Variants in PRKCE observed in about 807,000 individuals in gnomAD.
The protein encoded by PRKCE is protein kinase C epsilon type.
PRKCE carries 16 observed loss-of-function variants against 85.4 expected under a neutral mutation model. The ratio of observed to expected loss-of-function variants is 0.19; its 90% CI spans 0.13 to 0.28. PRKCE has a LOEUF of 0.28. Ranked by LOEUF, PRKCE falls within the 10% of genes least tolerant of loss-of-function variation. The pLI is 1.00. For missense variants in PRKCE, 573 were observed against 975.2 expected (o/e 0.59, Z 5.49); for synonymous variants, 388 against 371.5 (o/e 1.04, Z -0.51).
chr2:45,749,117 C>T (rs927293265), intron 1 of PRKCE, among the ~76,000 whole-genome samples: 5 of 152,146 alleles, frequency 3.3e-5, no homozygotes, highest in African/African-American at 4.8e-5. Context: ...CTAGAACTCC[C>T]GGCTTCAAGT....
chr2:46,065,584 T>C (rs1037320569), intron 10 of PRKCE, among the ~76,000 whole-genome samples: 1 of 152,216 alleles, frequency 6.6e-6, no homozygotes, highest in African/African-American at 2.4e-5. Context: ...CTACTGTAAC[T>C]AAATTTAGAG....
intron 14 of PRKCE, among the ~76,000 whole-genome samples, chr2:46,172,881 T>C (rs17034708): frequency 0.18 from 27,543 of 152,216 alleles, 2,756 homozygotes; most frequent in African/African-American, 0.25. Context: ...AGACAGTTAT[T>C]GTACCACTTA....
chr2:46,046,055 T>A (rs1574322656), intron 10 of PRKCE, among the ~76,000 whole-genome samples: 2 of 152,278 alleles, frequency 1.3e-5, no homozygotes, highest in East Asian at 1.9e-4. Context: ...CATCCTCAGC[T>A]GTCATGGGAA....
Position 46,151,236 on chromosome 2 carries a change from C to T in PRKCE, c.1920+7C>T. On this transcript the variant is annotated splice_region_variant and intron_variant, in intron 13 of 14. Transcript: ENST00000306156. ...TGTCAGCATCTTGAAAGCTGTGAGT[C>T]ACTGCCCCTCACCCATGGCTGTGCT... The T allele has an allele frequency of 6.3e-7, 1 of 1,593,140 alleles. No homozygotes were observed. Among genetic ancestry groups the T allele is most frequent in the South Asian group, 1.1e-5 (1 of 90,354 alleles).
chr2:45,904,270 TAGAA>T (rs572462966), intron 2 of PRKCE, among the ~76,000 whole-genome samples: 6 of 152,150 alleles, frequency 3.9e-5, no homozygotes, highest in Non-Finnish European at 8.8e-5. Context: ...AACAGTTTCT[TAGAA>T]AGAAGCCGGT....
intron 1 of PRKCE, among the ~76,000 whole-genome samples, chr2:45,699,938 G>C (rs1052681175): frequency 1.3e-5 from 2 of 151,794 alleles, no homozygotes; most frequent in African/African-American, 4.9e-5. Flanking sequence ...GGAGCTGAGG[G>C]GTGCAGGGGG....
intron 1 of PRKCE, chr2:45,675,572 G>C (rs1381073723): frequency 6.6e-6 from 1 of 152,220 alleles, no homozygotes. Context: ...TAAGGTCCAT[G>C]TGGTTTGAGG....
rs1687370722 is a variant in PRKCE, at chr2:45,795,538, G to C, written c.349-47462G>C. Among the ~76,000 whole-genome samples the C allele has an allele frequency of 2.0e-5, 3 of 152,236 alleles. No homozygotes were observed. In the South Asian group the frequency reaches 6.2e-4, roughly 32 times the overall value. On this transcript the variant is annotated intron_variant, in intron 1 of 14. Transcript: ENST00000306156. ...TTGGCCAGGCTGGTCTCGAACTCCTGACCTCAGGTGATCCACCCTCCTCAG... is the reference window on the plus strand; with the variant it reads ...TTGGCCAGGCTGGTCTCGAACTCCTCACCTCAGGTGATCCACCCTCCTCAG...
intron 1 of PRKCE, among the ~76,000 whole-genome samples, chr2:45,761,630 G>C (rs1445868171): frequency 1.3e-5 from 2 of 152,136 alleles, no homozygotes; most frequent in African/African-American, 4.8e-5. Flanking sequence ...TTGGGCCCCA[G>C]TCTAATCTCT....
chr2:46,166,956 A>G (rs1678401963), intron 14 of PRKCE: 1 of 152,186 alleles, frequency 6.6e-6, no homozygotes, highest in African/African-American at 2.4e-5. Context: ...ATGCCACTGC[A>G]CTCCAGCCTG....
At chr2:45,752,864 T>C (rs1310449403) in intron 1 of PRKCE, among the ~76,000 whole-genome samples, 2 of 152,158 alleles carry the variant, frequency 1.3e-5, no homozygotes, top group African/African-American at 4.8e-5. Context: ...GTGGCTTATA[T>C]AAGTTTTTTA....
intron 1 of PRKCE, among the ~76,000 whole-genome samples, chr2:45,813,692 G>A (rs1242399156): frequency 1.3e-5 from 2 of 152,160 alleles, no homozygotes; most frequent in East Asian, 3.9e-4. Context: ...TGGAGGCCAG[G>A]CAGTACAGCA....
At chr2:45,860,345 C>T (rs2105646587) in intron 2 of PRKCE, among the ~76,000 whole-genome samples, 2 of 152,304 alleles carry the variant, frequency 1.3e-5, no homozygotes, top group South Asian at 4.1e-4. Context: ...ATCCATGTAA[C>T]TCTGGCCTTC....
rs758206201 is a variant in PRKCE at position 46,086,373 on chromosome 2, C to G, written c.1592+11C>G. Reference sequence around the variant, plus strand: ...TGGAGTCATCTACAGGTAGCCTCTTCTCTCCTCCTCTTTCCTGAAAGTGAA... The same window carrying G: ...TGGAGTCATCTACAGGTAGCCTCTTGTCTCCTCCTCTTTCCTGAAAGTGAA... On this transcript the variant is annotated intron_variant, in intron 11 of 14. Coordinates refer to ENST00000306156, the MANE Select transcript of PRKCE (RefSeq NM_005400.3). 1 of 1,592,796 alleles carries G rather than the reference C, an allele frequency of 6.3e-7. No individual in the cohort carries two copies. Among genetic ancestry groups the G allele is most frequent in the South Asian group, 1.1e-5 (1 of 90,420 alleles).
chr2:46,061,103 C>A lies in PRKCE; in HGVS notation c.1438-25105C>A, dbSNP rs796855610. On this transcript the variant is annotated intron_variant, in intron 10 of 14. Coordinates refer to ENST00000306156, the MANE Select transcript of PRKCE (RefSeq NM_005400.3). Reference sequence around the variant, plus strand: ...ATGATTTTCTTTTCTTCTTTTTTTTCCTTTTTTTTTTTTTTTTTTTTTTGA... The same window carrying A: ...ATGATTTTCTTTTCTTCTTTTTTTTACTTTTTTTTTTTTTTTTTTTTTTGA... Among the ~76,000 whole-genome samples, 109 of 136,624 alleles carry A rather than the reference C, an allele frequency of 8.0e-4. 1 individual carries two copies. Among genetic ancestry groups the A allele is most frequent in the African/African-American group, 3.1e-3 (108 of 35,074 alleles). 89.6% of individuals were successfully genotyped at this position (136,624 alleles called of 152,430 possible). A position where few individuals can be genotyped will look rare whatever the true frequency, so the allele number is the denominator to read the frequency against.
chr2:45,674,122 G>A (rs375881878), intron 1 of PRKCE, among the ~76,000 whole-genome samples: 12 of 152,286 alleles, frequency 7.9e-5, no homozygotes, highest in Admixed American at 5.9e-4. Context: ...AGATGTAAGC[G>A]TGATCATTGG....
chr2:46,112,279 C>A (rs1001065874), intron 11 of PRKCE, among the ~76,000 whole-genome samples: 11 of 152,068 alleles, frequency 7.2e-5, no homozygotes, highest in African/African-American at 2.7e-4. Context: ...CCTGTCTGAG[C>A]CTTTATATTT....
At chr2:46,009,103 A>G (rs1171544148) in intron 9 of PRKCE, among the ~76,000 whole-genome samples, 1 of 152,218 alleles carries the variant, frequency 6.6e-6, no homozygotes, top group Non-Finnish European at 1.5e-5. Flanking sequence ...GTGCAAAAAT[A>G]TCAAATGATA....
intron 1 of PRKCE, among the ~76,000 whole-genome samples, chr2:45,744,524 CTTTTTCTTTCCTTCTTTCTTTCTTT>C (rs1682959159): frequency 3.6e-4 from 13 of 35,842 alleles, no homozygotes; most frequent in South Asian, 2.6e-3. Flanking sequence ...TTCTTTCTTT[CTTTTTCTTTCCTTCTTTCTTTCTTT>C]CTTCCTTCCT....
Sources: gnomAD v4.1 joint callset for allele counts (sites outside exome capture counted in the v4.1 genomes callset) on GRCh38, gnomAD v4.1.1 for gene constraint, MANE v1.5 for transcripts, NCBI Gene and HGNC (gene_info 2026-07-23, HGNC 2026-07-21) for gene names.